Variants in SDK1 observed in about 807,000 individuals in gnomAD.
SDK1 encodes the protein sidekick cell adhesion molecule 1.
In SDK1, 157 loss-of-function variants were observed where a neutral mutation model predicts 245.5. That is an observed-to-expected ratio of 0.64 (90% CI 0.56 to 0.73). The LOEUF is 0.73. Among genes scored for constraint, SDK1 ranks in the 30% least tolerant of loss-of-function variants. The pLI is 0.00. For missense variants in SDK1, 3,583 were observed against 3,002.3 expected, an observed-to-expected ratio of 1.19 and a Z score of -4.52; for synonymous variants, 1,647 against 1,278.5, an observed-to-expected ratio of 1.29 and a Z score of -6.15.
Position 3,861,441 on chromosome 7 carries a change from T to G in SDK1, c.847+39858T>G, listed in dbSNP as rs77794646. Among the ~76,000 whole-genome samples, 889 of 152,278 alleles carry G rather than the reference T, an allele frequency of 5.8e-3. 14 individuals carry two copies. The highest frequency in any genetic ancestry group is 0.02 in the African/African-American group (835 of 41,548). On this transcript the variant is annotated intron_variant, in intron 5 of 44. Coordinates refer to ENST00000404826, the MANE Select transcript of SDK1 (RefSeq NM_152744.4). ...GGGTAGTAATCACTGTGCAGGCATTTTTGGGCTTGGGGAGTGCTTGTGTGC... is the reference window on the plus strand; with the variant it reads ...GGGTAGTAATCACTGTGCAGGCATTGTTGGGCTTGGGGAGTGCTTGTGTGC...
intron 2 of SDK1, among the ~76,000 whole-genome samples, chr7:3,620,152 C>A (rs1038541871): frequency 5.3e-5 from 8 of 152,224 alleles, no homozygotes; most frequent in Non-Finnish European, 1.0e-4. Flanking sequence ...TGGGGAATAG[C>A]CCACCCACTC....
chr7:3,711,460 G>A (rs909179844), intron 4 of SDK1, among the ~76,000 whole-genome samples: 1 of 152,148 alleles, frequency 6.6e-6, no homozygotes, highest in African/African-American at 2.4e-5. Flanking sequence ...ATTCTATGAA[G>A]GAAACAATGA....
At chr7:3,353,529 T>G (rs1393439178) in intron 1 of SDK1, among the ~76,000 whole-genome samples, 1 of 152,190 alleles carries the variant, frequency 6.6e-6, no homozygotes, top group Non-Finnish European at 1.5e-5. Context: ...TTTGTAAAAT[T>G]GGAAAAGTAA....
At chr7:3,427,706 G>A (rs1165718451) in intron 1 of SDK1, among the ~76,000 whole-genome samples, 1 of 151,990 alleles carries the variant, frequency 6.6e-6, no homozygotes, top group Non-Finnish European at 1.5e-5. Flanking sequence ...CATCCTTTGT[G>A]CTTTCAGTGA....
chr7:3,559,622 C>T lies in SDK1; in HGVS notation c.299-59458C>T, dbSNP rs182370825. 6.6e-5 allele frequency among the ~76,000 whole-genome samples: 10 copies of T among 152,234 alleles called. No individual in the cohort carries two copies. The East Asian group carries it at 1.9e-3, about 29-fold the overall frequency. On this transcript the variant is annotated intron_variant, in intron 1 of 44. Coordinates refer to ENST00000404826, the MANE Select transcript of SDK1 (RefSeq NM_152744.4). ...CAAGAGCTTTCACTTTATCTGCCTG[C>T]AGCCCTGTTTTAACAGTAGTGTTGA...
chr7:3,964,053 T>A (rs1162835465), intron 9 of SDK1, among the ~76,000 whole-genome samples: 1 of 152,266 alleles, frequency 6.6e-6, no homozygotes, highest in Non-Finnish European at 1.5e-5. Flanking sequence ...ATCCAGTGGG[T>A]ACACCTATCA....
chr7:3,580,992 AAACCAAAAC>A lies in SDK1; in HGVS notation c.299-38085_299-38077del, dbSNP rs1178646847. Among the ~76,000 whole-genome samples the A allele has an allele frequency of 6.6e-5, 9 of 136,846 alleles. 1 individual carries two copies. The highest frequency in any genetic ancestry group is 2.7e-4 in the South Asian group (1 of 3,644). The allele number at this position is 136,846 out of a possible 152,430, so 89.8% of individuals were successfully genotyped here. A position where few individuals can be genotyped will look rare whatever the true frequency, so the allele number is the denominator to read the frequency against. On this transcript the variant is annotated intron_variant, in intron 1 of 44. Coordinates refer to ENST00000404826, the MANE Select transcript of SDK1 (RefSeq NM_152744.4). ...TCAAAAAAAAAAAAAAAAAAAAAAA[AAACCAAAAC>A]AAAACCCTGGAAGACAATCTATGCA...
At chr7:3,537,093 A>C (rs989536018) in intron 1 of SDK1, among the ~76,000 whole-genome samples, 1 of 152,176 alleles carries the variant, frequency 6.6e-6, no homozygotes, top group Non-Finnish European at 1.5e-5. Context: ...CAGTAATCTC[A>C]TAAAATTCCC....
At chr7:3,995,071 C>G (rs1297087664) in intron 14 of SDK1, among the ~76,000 whole-genome samples, 1 of 152,174 alleles carries the variant, frequency 6.6e-6, no homozygotes, top group Non-Finnish European at 1.5e-5. Context: ...AGAGGGGATT[C>G]TAGGCTTCTT....
intron 4 of SDK1, among the ~76,000 whole-genome samples, chr7:3,658,295 A>C (rs899939622): frequency 2.6e-5 from 4 of 152,196 alleles, no homozygotes; most frequent in Non-Finnish European, 5.9e-5. Context: ...TAATTCCTAC[A>C]GCATTTGCTT....
At chr7:3,332,958 G>C (rs1455972790) in intron 1 of SDK1, among the ~76,000 whole-genome samples, 1 of 152,194 alleles carries the variant, frequency 6.6e-6, no homozygotes. Flanking sequence ...GTTGAGCCTG[G>C]GGAACGAGCC....
intron 1 of SDK1, among the ~76,000 whole-genome samples, chr7:3,488,630 A>G (rs1283132315): frequency 6.6e-6 from 1 of 152,214 alleles, no homozygotes; most frequent in Non-Finnish European, 1.5e-5. Context: ...GGATGCTTTC[A>G]GCTTCAGGTA....
At chr7:3,387,335 A>G (rs1781635320) in intron 1 of SDK1, among the ~76,000 whole-genome samples, 1 of 152,054 alleles carries the variant, frequency 6.6e-6, no homozygotes, top group Admixed American at 6.5e-5. Context: ...GAGATTCCTC[A>G]TCTCCTCAAA....
intron 1 of SDK1, among the ~76,000 whole-genome samples, chr7:3,371,899 C>A (rs1189585356): frequency 6.6e-6 from 1 of 152,148 alleles, no homozygotes; most frequent in Non-Finnish European, 1.5e-5. Flanking sequence ...TAGATCTATC[C>A]TCACAATTTG....
chr7:4,256,284 G>C (rs1205464494), intron 44 of SDK1, among the ~76,000 whole-genome samples: 2 of 152,214 alleles, frequency 1.3e-5, no homozygotes, highest in Non-Finnish European at 2.9e-5. Context: ...TTCCGCTGGG[G>C]AGAGGGTCTG....
chr7:3,958,008 C>G (rs778991736), intron 7 of SDK1: 8 of 470,770 alleles, frequency 1.7e-5, no homozygotes, highest in South Asian at 1.2e-4. Context: ...CTTTGAAATG[C>G]TTAGTTTTCA....
chr7:3,869,408 G>A (rs369717642), intron 5 of SDK1, among the ~76,000 whole-genome samples: 2 of 152,060 alleles, frequency 1.3e-5, no homozygotes, highest in South Asian at 4.2e-4. Context: ...TGCCTGCCTC[G>A]GCCTCCCAAA....
At chr7:3,487,299 A>T (rs563726715) in intron 1 of SDK1, among the ~76,000 whole-genome samples, 12 of 152,248 alleles carry the variant, frequency 7.9e-5, no homozygotes, top group African/African-American at 2.9e-4. Context: ...TTTACCCATT[A>T]TTTTGGTATT....
chr7:3,825,760 T>C (rs1779759203), intron 5 of SDK1, among the ~76,000 whole-genome samples: 1 of 152,218 alleles, frequency 6.6e-6, no homozygotes, highest in Admixed American at 6.5e-5. Flanking sequence ...CTGTAAAACA[T>C]GGCTTTTGTG....
Sources: gnomAD v4.1 joint callset for allele counts (sites outside exome capture counted in the v4.1 genomes callset) on GRCh38, gnomAD v4.1.1 for gene constraint, MANE v1.5 for transcripts, NCBI Gene and HGNC (gene_info 2026-07-23, HGNC 2026-07-21) for gene names.